OAF: variants seen among roughly 807,000 people sequenced by gnomAD.
OAF encodes the protein out at first protein homolog.
Under a neutral mutation model 22.5 loss-of-function variants are expected in OAF, and 13 were observed. The observed-to-expected ratio is 0.58, with a 90% CI of 0.38 to 0.92. OAF has a LOEUF of 0.92. Ranked by LOEUF, OAF falls within the 40% of genes least tolerant of loss-of-function variation. OAF has a pLI of 0.00. For synonymous variants in OAF, 175 were observed against 170.5 expected (o/e 1.03, Z -0.21); for missense variants, 347 against 381.8 (o/e 0.91, Z 0.76).
At chr11:120,226,311 C>T (rs1160360095) in intron 2 of OAF, among the ~76,000 whole-genome samples, 2 of 152,260 alleles carry the variant, frequency 1.3e-5, no homozygotes, top group Non-Finnish European at 2.9e-5. Context: ...GTTCAAGACC[C>T]TCAAAGCTGC....
chr11:120,211,447 C>A lies in OAF; in HGVS notation c.168C>A (p.Ser56Arg), dbSNP rs1042767814. Residue 56 changes from serine (S) to arginine (R), a missense_variant, in exon 1 of 4, where the codon AGC becomes AGA. By Grantham distance (110) the Ser-to-Arg change is moderately radical (BLOSUM62 -1). Transcript: ENST00000328965. ...ESLQADSDADSISLELRKPDG... is the reference protein window; with the variant it reads ...ESLQADSDADRISLELRKPDG... Reference sequence around the variant, plus strand: ...TGCAGGCGGACAGCGACGCGGACAGCATCAGCCTCGAGCTGCGCAAGCCCG... The same window carrying A: ...TGCAGGCGGACAGCGACGCGGACAGAATCAGCCTCGAGCTGCGCAAGCCCG... The A allele has an allele frequency of 1.1e-5, 17 of 1,564,182 alleles. No homozygotes were observed. The highest frequency in any genetic ancestry group is 1.4e-5 in the Non-Finnish European group (16 of 1,157,902).
intron 1 of OAF, among the ~76,000 whole-genome samples, chr11:120,214,588 G>A (rs937859937): frequency 1.3e-5 from 2 of 152,220 alleles, no homozygotes; most frequent in Admixed American, 1.3e-4. Context: ...CAGGGCAGCA[G>A]TGAGCCTCCC....
At chr11:120,225,896 C>A in intron 2 of OAF, 101 bp downstream of exon 2, 1 of 1,007,576 alleles carries the variant, frequency 9.9e-7, no homozygotes, top group South Asian at 1.5e-5. Context: ...ACCTGCAGAC[C>A]CGACCCCTGC....
chr11:120,229,316 C>T lies in OAF; in HGVS notation c.*174C>T, dbSNP rs1280307873. 4 of 642,936 alleles carry T rather than the reference C, an allele frequency of 6.2e-6. No individual in the cohort carries two copies. In the South Asian group the frequency reaches 7.8e-5, roughly 13 times the overall value. The allele number at this position is 642,936 out of a possible 1,614,324, so 39.8% of individuals were successfully genotyped here. ...TGACTGTGAAGGGGGTGTGGCATGGCAGGGGGTCTCATGAAGGCACCCCCA... is the reference window on the plus strand; with the variant it reads ...TGACTGTGAAGGGGGTGTGGCATGGTAGGGGGTCTCATGAAGGCACCCCCA... On this transcript the variant is annotated 3_prime_UTR_variant, in exon 4 of 4. Transcript: ENST00000328965.
At position 120,229,396 on chromosome 11, in the gene OAF, C is replaced by T; in HGVS notation, c.*254C>T. On this transcript the variant is annotated 3_prime_UTR_variant, in exon 4 of 4. Transcript: ENST00000328965. ...AGAGGGAGAGAAGGGCTCCCCAGAT[C>T]TACACCCCTCCCTCCTGCATCTCCC... 2 of 497,604 alleles carry T rather than the reference C, an allele frequency of 4.0e-6. No individual in the cohort carries two copies. Among genetic ancestry groups the T allele is most frequent in the Non-Finnish European group, 7.4e-6 (2 of 270,504 alleles). The allele number at this position is 497,604 out of a possible 1,614,324, so 30.8% of individuals were successfully genotyped here.
chr11:120,228,040 G>GTGGGTGTGCTTTGC (rs1938385752), intron 3 of OAF, among the ~76,000 whole-genome samples: 1 of 151,052 alleles, frequency 6.6e-6, no homozygotes, highest in Admixed American at 6.6e-5. Flanking sequence ...CTGCCCCACT[G>GTGGGTGTGCTTTGC]TGGGTGTGCT....
intron 3 of OAF, 40 bp from the exon 4 acceptor site, chr11:120,228,828 C>CA: frequency 2.9e-5 from 19 of 649,118 alleles, no homozygotes; most frequent in East Asian, 6.1e-5. Flanking sequence ...CCTTCCCTCC[C>CA]TCCCTCCCTC....
chr11:120,228,705 G>C (rs1938393592), intron 3 of OAF, among the ~76,000 whole-genome samples, 163 bp from the exon 4 acceptor site: 1 of 152,150 alleles, frequency 6.6e-6, no homozygotes, highest in Non-Finnish European at 1.5e-5. Flanking sequence ...CTAGTAACCA[G>C]GTCTTACCTC....
chr11:120,229,361 T>A lies in OAF; in HGVS notation c.*219T>A. ...CCCCCATTCCCACCCTGTGCCTTCCTTGCGGGCAGAGAGGGAGAGAAGGGC... is the reference window on the plus strand; with the variant it reads ...CCCCCATTCCCACCCTGTGCCTTCCATGCGGGCAGAGAGGGAGAGAAGGGC... On this transcript the variant is annotated 3_prime_UTR_variant, in exon 4 of 4. Coordinates refer to ENST00000328965, the MANE Select transcript of OAF (RefSeq NM_178507.4). The A allele has an allele frequency of 7.4e-6, 4 of 541,960 alleles. No homozygotes were observed. The highest frequency in any genetic ancestry group is 1.0e-5 in the Non-Finnish European group (3 of 299,068). The allele number at this position is 541,960 out of a possible 1,614,324, so 33.6% of individuals were successfully genotyped here. A position where few individuals can be genotyped will look rare whatever the true frequency, so the allele number is the denominator to read the frequency against.
chr11:120,228,821 T>TGCCAGA, intron 3 of OAF, 47 bp from the exon 4 acceptor site: 9 of 520,278 alleles, frequency 1.7e-5, no homozygotes, highest in East Asian at 6.8e-5. Context: ...GGGAGCTCCT[T>TGCCAGA]CCCTCCCTCC....
intron 1 of OAF, among the ~76,000 whole-genome samples, chr11:120,218,817 TC>T (rs1476897428): frequency 6.6e-6 from 1 of 151,506 alleles, no homozygotes; most frequent in East Asian, 2.0e-4. Context: ...CAGGCGGGCC[TC>T]CCCCCAAACC....
intron 3 of OAF, 75 bp downstream of exon 3, chr11:120,227,071 G>A: frequency 9.8e-7 from 1 of 1,016,876 alleles, no homozygotes; most frequent in Non-Finnish European, 1.4e-6. Flanking sequence ...AGCAGTGGAG[G>A]AGGGCAGGGG....
intron 1 of OAF, among the ~76,000 whole-genome samples, chr11:120,223,835 T>G (rs1364730567): frequency 6.6e-6 from 1 of 152,208 alleles, no homozygotes; most frequent in African/African-American, 2.4e-5. Context: ...GGTTTTTGGA[T>G]CCTTCCTGGG....
rs1423800976 is a variant in OAF at position 120,230,164 on chromosome 11, ACC to A, written c.*1023_*1024del. 3 of 152,228 alleles carry A rather than the reference ACC, an allele frequency of 2.0e-5. No homozygotes were observed. The highest frequency in any genetic ancestry group is 4.4e-5 in the Non-Finnish European group (3 of 68,046). 9.4% of individuals were successfully genotyped at this position (152,228 alleles called of 1,614,324 possible). ...AGACAATGAGACAGACATAGCTGCAACCGTAGTAAGCCAGTCAGAAATAGCCA... is the reference window on the plus strand; with the variant it reads ...AGACAATGAGACAGACATAGCTGCAAGTAGTAAGCCAGTCAGAAATAGCCA... On this transcript the variant is annotated 3_prime_UTR_variant, in exon 4 of 4. Transcript: ENST00000328965.
chr11:120,226,751 G>T, intron 2 of OAF, 65 bp from the exon 3 acceptor site: 2 of 1,463,770 alleles, frequency 1.4e-6, no homozygotes, highest in Non-Finnish European at 1.9e-6. Flanking sequence ...ACTCTGGAGG[G>T]TCAGGGGAAG....
rs918780752 is a variant in OAF at position 120,229,533 on chromosome 11, A to C, written c.*391A>C. ...TCTATACCTGGACACCCACCTCCCC[A>C]GACACAACTCCCTTCCCCATGCACA... On this transcript the variant is annotated 3_prime_UTR_variant, in exon 4 of 4. Coordinates refer to ENST00000328965, the MANE Select transcript of OAF (RefSeq NM_178507.4). 2 of 207,780 alleles carry C rather than the reference A, an allele frequency of 9.6e-6. No individual in the cohort carries two copies. The highest frequency in any genetic ancestry group is 1.0e-4 in the Admixed American group (2 of 19,624). The allele number at this position is 207,780 out of a possible 1,614,324, so 12.9% of individuals were successfully genotyped here.
In OAF at chr11:120,225,848, G is replaced by A. The variant is rs117523981; in HGVS notation, c.366+53G>A. 1.2e-3 allele frequency: 1,913 copies of A among 1,531,562 alleles called. 27 individuals carry two copies. The Admixed American group carries it at 0.021, about 17-fold the overall frequency. 94.9% of individuals were successfully genotyped at this position (1,531,562 alleles called of 1,614,324 possible). ...CCAGGTCCTGACCCGCAGCAGACCC[G>A]GCCCAGATCCCATCCCGCAGACCCG... On this transcript the variant is annotated intron_variant, in intron 2 of 3. Coordinates refer to ENST00000328965, the MANE Select transcript of OAF (RefSeq NM_178507.4).
In OAF at chr11:120,211,493, A is replaced by C. The variant is rs1938147072; in HGVS notation, c.214A>C (p.Thr72Pro). The change falls in exon 1 of 4, where the codon ACC (threonine) becomes CCC (proline). Residue 72 changes from threonine (T) to proline (P), a missense_variant. Transcript: ENST00000328965. Reference protein sequence around the residue: ...RKPDGTLVSFTADFKKDVKVF... With the variant: ...RKPDGTLVSFPADFKKDVKVF... ...GCCCGACGGCACCCTCGTCTCCTTCACCGCCGACTTCAAGAAGGTGAGGCG... is the reference window on the plus strand; with the variant it reads ...GCCCGACGGCACCCTCGTCTCCTTCCCCGCCGACTTCAAGAAGGTGAGGCG... 2 of 1,474,392 alleles carry C rather than the reference A, an allele frequency of 1.4e-6. No individual in the cohort carries two copies. Among genetic ancestry groups the C allele is most frequent in the East Asian group, 2.7e-5 (1 of 36,926 alleles). The allele number at this position is 1,474,392 out of a possible 1,614,324, so 91.3% of individuals were successfully genotyped here.
At chr11:120,216,921 A>C (rs1015735241) in intron 1 of OAF, among the ~76,000 whole-genome samples, 2 of 152,176 alleles carry the variant, frequency 1.3e-5, no homozygotes, top group African/African-American at 4.8e-5. Flanking sequence ...ACATGCTCTT[A>C]TCTGATCGCC....
Sources: gnomAD v4.1 joint callset for allele counts (sites outside exome capture counted in the v4.1 genomes callset) on GRCh38, gnomAD v4.1.1 for gene constraint, MANE v1.5 for transcripts, NCBI Gene and HGNC (gene_info 2026-07-23, HGNC 2026-07-21) for gene names.